The following LRRC49 variants were observed in gnomAD, a reference collection of about 807,000 sequenced individuals.
LRRC49 encodes the protein leucine-rich repeat-containing protein 49.
LRRC49 carries 50 observed loss-of-function variants against 83.3 expected under a neutral mutation model. That is an observed-to-expected ratio of 0.60 (90% CI 0.48 to 0.76). The LOEUF (loss-of-function observed/expected upper bound fraction) is 0.76. LRRC49 is among the 30% of genes least tolerant of loss of function. The pLI, the probability that LRRC49 is intolerant of heterozygous loss-of-function variation, is 0.00. For missense variants in LRRC49, 704 were observed against 809.1 expected (o/e 0.87, Z 1.58); for synonymous variants, 286 against 283.3 (o/e 1.01, Z -0.10).
At chr15:70,916,113 A>G (rs1217601838) in intron 6 of LRRC49, among the ~76,000 whole-genome samples, 1 of 152,136 alleles carries the variant, frequency 6.6e-6, no homozygotes, top group African/African-American at 2.4e-5. Flanking sequence ...GAAGTCCTCC[A>G]TGAGGACTTC....
At chr15:70,982,331 G>C (rs1253254307) in intron 10 of LRRC49, among the ~76,000 whole-genome samples, 5 of 152,074 alleles carry the variant, frequency 3.3e-5, no homozygotes, top group African/African-American at 4.8e-5. Flanking sequence ...AAGTGGCCTT[G>C]ATACTGAGTA....
intron 7 of LRRC49, among the ~76,000 whole-genome samples, chr15:70,932,467 C>A (rs2035441762): frequency 6.6e-6 from 1 of 151,992 alleles, no homozygotes; most frequent in African/African-American, 2.4e-5. Context: ...AATAATTACC[C>A]CTATATATTT....
upstream of LRRC49, chr15:70,892,470 C>G: frequency 2.0e-6 from 3 of 1,531,242 alleles, no homozygotes; most frequent in South Asian, 3.6e-5. Context: ...ATATCTTCCT[C>G]CTCCTCCTCC....
At chr15:70,996,271 T>G (rs75879055) in intron 11 of LRRC49, among the ~76,000 whole-genome samples, 4,067 of 152,242 alleles carry the variant, frequency 0.027, 192 homozygotes, top group African/African-American at 0.093. Flanking sequence ...CTTCAGTTTA[T>G]TTTGTAGTTA....
intron 8 of LRRC49, among the ~76,000 whole-genome samples, chr15:70,946,505 A>T (rs1203444336): frequency 6.6e-6 from 1 of 152,150 alleles, no homozygotes; most frequent in Non-Finnish European, 1.5e-5. Flanking sequence ...AAAGATGCTT[A>T]GGTTGATTCC....
exon 2 of LRRC49, chr15:70,873,051 A>G (rs2033083739): frequency 3.1e-6 from 2 of 643,100 alleles, no homozygotes; most frequent in African/African-American, 1.8e-5. Flanking sequence ...TGCCCAGCTC[A>G]TTTTTGTATT....
At chr15:70,870,657 AT>A (rs2033007474) in intron 1 of LRRC49, among the ~76,000 whole-genome samples, 1 of 151,998 alleles carries the variant, frequency 6.6e-6, no homozygotes, top group Non-Finnish European at 1.5e-5. Flanking sequence ...CGCCCAGCTA[AT>A]TTTGTATTTT....
chr15:71,049,724 T>A lies in LRRC49; in HGVS notation c.*112T>A. The A allele has an allele frequency of 1.5e-6, 1 of 684,398 alleles. No individual in the cohort carries two copies. The highest frequency in any genetic ancestry group is 2.5e-6 in the Non-Finnish European group (1 of 407,830). 42.4% of individuals were successfully genotyped at this position (684,398 alleles called of 1,614,324 possible). ...ACACTATCCTATAAACTAGAAAGAC[T>A]AGTATAAAAGCATTATTGCCCACTG... On this transcript the variant is annotated 3_prime_UTR_variant, in exon 16 of 16. Transcript: ENST00000260382.
At chr15:71,029,395 T>C (rs1596159231) in intron 14 of LRRC49, among the ~76,000 whole-genome samples, 1 of 152,158 alleles carries the variant, frequency 6.6e-6, no homozygotes, top group East Asian at 1.9e-4. Context: ...GAGACTGTTA[T>C]GGTTTCTCTT....
At chr15:70,855,585 A>T (rs1406957182) in intron 1 of LRRC49, among the ~76,000 whole-genome samples, 1 of 152,190 alleles carries the variant, frequency 6.6e-6, no homozygotes, top group Non-Finnish European at 1.5e-5. Context: ...GTAAAAGAAC[A>T]CCATGTATAG....
rs1056960673 is a variant in LRRC49, at chr15:70,853,786, C to T, written c.-299+317C>T. 4.5e-6 allele frequency: 4 copies of T among 882,042 alleles called. No homozygotes were observed. In the African/African-American group the frequency reaches 5.3e-5, roughly 12 times the overall value. 54.6% of individuals were successfully genotyped at this position (882,042 alleles called of 1,614,324 possible). On this transcript the variant is annotated intron_variant, in intron 1 of 16. Transcript: ENST00000544974. ...TTCCCCGGCGGCGGGGCTGACTCAA[C>T]CCCCTCTGCCCGAGGAGTTGTCGCG...
chr15:71,023,861 C>G (rs1278135974), intron 14 of LRRC49, among the ~76,000 whole-genome samples: 1 of 152,210 alleles, frequency 6.6e-6, no homozygotes, highest in East Asian at 1.9e-4. Flanking sequence ...TGCCTGCTGC[C>G]TAAGACAACT....
chr15:71,034,834 G>C (rs1255238033), intron 14 of LRRC49, among the ~76,000 whole-genome samples: 1 of 152,168 alleles, frequency 6.6e-6, no homozygotes, highest in Non-Finnish European at 1.5e-5. Flanking sequence ...ATAAGTGGGA[G>C]CTGAACAATG....
chr15:70,968,928 A>T (rs1264971219), intron 9 of LRRC49, among the ~76,000 whole-genome samples: 2 of 152,088 alleles, frequency 1.3e-5, no homozygotes, highest in African/African-American at 2.4e-5. Flanking sequence ...TCCGTTCTGT[A>T]GGTTACCTGT....
At chr15:70,873,165 G>A (rs1388661497) in exon 2 of LRRC49, 1 of 1,530,724 alleles carries the variant, frequency 6.5e-7, no homozygotes, top group Non-Finnish European at 8.8e-7. Context: ...GATTACAGGA[G>A]TGAGCCACCT....
chr15:71,023,656 T>C (rs796169360), intron 14 of LRRC49, among the ~76,000 whole-genome samples: 3 of 152,320 alleles, frequency 2.0e-5, no homozygotes, highest in African/African-American at 7.2e-5. Flanking sequence ...GTGATTGTGC[T>C]ACCCTGCCTG....
At chr15:70,865,608 T>C (rs2032892793) in intron 1 of LRRC49, among the ~76,000 whole-genome samples, 2 of 152,240 alleles carry the variant, frequency 1.3e-5, no homozygotes, top group South Asian at 4.1e-4. Context: ...TATATTGTTA[T>C]TGTTGCTTCA....
At chr15:70,862,728 G>A (rs1260252680) in intron 1 of LRRC49, among the ~76,000 whole-genome samples, 4 of 152,032 alleles carry the variant, frequency 2.6e-5, no homozygotes, top group East Asian at 1.9e-4. Flanking sequence ...CTCTGTGTTC[G>A]GTCTTTCAAG....
At chr15:70,905,825 C>T (rs2034282556) in intron 5 of LRRC49, among the ~76,000 whole-genome samples, 2 of 152,200 alleles carry the variant, frequency 1.3e-5, no homozygotes, top group East Asian at 1.9e-4. Context: ...CCATTGCTTC[C>T]TTCCATGAGC....
Sources: allele counts gnomAD v4.1 joint callset (sites outside exome capture counted in the v4.1 genomes callset), GRCh38; gene constraint gnomAD v4.1.1; transcripts MANE v1.5; gene names NCBI Gene and HGNC (gene_info 2026-07-23, HGNC 2026-07-21).